STK11: variants seen among roughly 807,000 people sequenced by gnomAD.
STK11 encodes serine/threonine kinase 11, also known as serine/threonine-protein kinase STK11.
A neutral mutation model predicts 47.3 loss-of-function variants in STK11; 8 were observed. The observed-to-expected ratio is 0.17, with a 90% CI of 0.10 to 0.31. The LOEUF (loss-of-function observed/expected upper bound fraction) is 0.31. STK11 is among the 10% of genes least tolerant of loss of function. STK11 has a pLI of 1.00. For missense variants in STK11, 475 were observed against 605.0 expected, an observed-to-expected ratio of 0.79 and a Z score of 2.25; for synonymous variants, 330 against 255.8, an observed-to-expected ratio of 1.29 and a Z score of -2.77.
chr19:1,227,485 C>T (rs899327843), intron 9 of STK11, 108 bp from the exon 10 acceptor site: 15 of 1,046,952 alleles, frequency 1.4e-5, no homozygotes, highest in Non-Finnish European at 1.6e-5. Context: ...CCCCAGGAGT[C>T]CGGTAGCCCC....
chr19:1,207,500 C>T (rs1011109673), intron 1 of STK11, among the ~76,000 whole-genome samples: 8 of 152,192 alleles, frequency 5.3e-5, no homozygotes, highest in Admixed American at 2.6e-4. Context: ...CCCCCAATCC[C>T]CTAAGACTAG....
intron 1 of STK11, among the ~76,000 whole-genome samples, chr19:1,212,990 CTT>C (rs35169539): frequency 1.0e-3 from 95 of 94,786 alleles, no homozygotes; most frequent in African/African-American, 2.8e-3. Context: ...TAAAGTTCAC[CTT>C]TTTTTTTTTT....
chr19:1,227,769 C>G lies in STK11; in HGVS notation c.*193C>G, dbSNP rs1339058465. ...GCAGGGACCGGGCGCAGCCCTCCCC[C>G]CTCGGCCGCCCGGCAGTGCACGCGG... is the stretch of plus-strand genomic sequence containing the variant. On this transcript the variant is annotated 3_prime_UTR_variant, in exon 10 of 10. Coordinates refer to ENST00000326873, the MANE Select transcript of STK11 (RefSeq NM_000455.5). 3.8e-5 allele frequency: 41 copies of G among 1,073,642 alleles called. No individual in the cohort carries two copies. Among genetic ancestry groups the G allele is most frequent in the East Asian group, 4.7e-5 (1 of 21,142 alleles). The allele number at this position is 1,073,642 out of a possible 1,614,324, so 66.5% of individuals were successfully genotyped here. A position where few individuals can be genotyped will look rare whatever the true frequency, so the allele number is the denominator to read the frequency against.
At position 1,216,958 on chromosome 19, in the gene STK11, T is replaced by C. The variant is rs1319312850; in HGVS notation, c.291-1459T>C. 6.6e-5 allele frequency among the ~76,000 whole-genome samples: 10 copies of C among 151,964 alleles called. No individual in the cohort carries two copies. In the South Asian group the frequency reaches 1.5e-3, roughly 22 times the overall value. ...CACTGGTTTTTGTGGCTGAGTCTTG[T>C]TGAGTGCGTGGATGGGCTGTGCTGA... On this transcript the variant is annotated intron_variant, in intron 1 of 9. Coordinates refer to ENST00000326873, the MANE Select transcript of STK11 (RefSeq NM_000455.5).
chr19:1,224,563 C>G (rs2080807935), intron 8 of STK11: 1 of 985,426 alleles, frequency 1.0e-6, no homozygotes, highest in South Asian at 4.7e-5. Context: ...AGAGTCCCTA[C>G]TGGGACGTGG....
At chr19:1,225,746 G>A (rs943948636) in intron 8 of STK11, 38 of 985,530 alleles carry the variant, frequency 3.9e-5, no homozygotes, top group South Asian at 9.4e-5. Context: ...GAGGGGCCTC[G>A]GGGATGGCTC....
intron 1 of STK11, among the ~76,000 whole-genome samples, chr19:1,216,583 A>C (rs1326110198): frequency 6.6e-6 from 1 of 151,482 alleles, no homozygotes; most frequent in African/African-American, 2.4e-5. Flanking sequence ...CGTCTCCAAA[A>C]AAAAAAAAAC....
Position 1,227,760 on chromosome 19 carries a change from G to A in STK11, c.*184G>A, listed in dbSNP as rs185409489. 1.9e-4 allele frequency: 207 copies of A among 1,073,982 alleles called. No individual in the cohort carries two copies. The African/African-American group carries it at 3.2e-3, about 16-fold the overall frequency. 66.5% of individuals were successfully genotyped at this position (1,073,982 alleles called of 1,614,324 possible). On this transcript the variant is annotated 3_prime_UTR_variant, in exon 10 of 10. Transcript: ENST00000326873. ...AGGGGGACAGCAGGGACCGGGCGCA[G>A]CCCTCCCCCCTCGGCCGCCCGGCAG...
At position 1,221,301 on chromosome 19, in the gene STK11, C is replaced by G. The variant is rs2145427115; in HGVS notation, c.823C>G (p.Pro275Ala). The change falls in exon 6 of 10, where the codon CCG (proline) becomes GCG (alanine). Residue 275 changes from proline (P) to alanine (A), a missense_variant. Coordinates refer to ENST00000326873, the MANE Select transcript of STK11 (RefSeq NM_000455.5). ...ENIGKGSYAI[P>A]GDCGPPLSDL... ...CATCGGGAAGGGGAGCTACGCCATC[C>G]CGGGCGACTGTGGCCCCCCGCTCTC... 6.2e-7 allele frequency: 1 copy of G among 1,610,860 alleles called. No homozygotes were observed. Among genetic ancestry groups the G allele is most frequent in the Non-Finnish European group, 8.5e-7 (1 of 1,178,924 alleles).
At chr19:1,215,556 G>T (rs569242860) in intron 1 of STK11, among the ~76,000 whole-genome samples, 259 of 152,330 alleles carry the variant, frequency 1.7e-3, no homozygotes, top group African/African-American at 6.0e-3. Context: ...TCCAGGCCCA[G>T]CCCCAGCACA....
chr19:1,226,208 G>A, intron 8 of STK11: 1 of 1,360,240 alleles, frequency 7.4e-7, no homozygotes. Flanking sequence ...GCCATGGCAG[G>A]TGCAACAGAC....
At position 1,222,039 on chromosome 19, in the gene STK11, C is replaced by T. The variant is rs1050516514; in HGVS notation, c.920+33C>T. 5 of 1,554,668 alleles carry T rather than the reference C, an allele frequency of 3.2e-6. No homozygotes were observed. The African/African-American group carries it at 6.8e-5, about 21-fold the overall frequency. Reference sequence around the variant, plus strand: ...GCCCCTGGGGGCAGTGGGGCCGAGGCTGCAGGGAGGCCGGCCATGTGGGCA... The same window carrying T: ...GCCCCTGGGGGCAGTGGGGCCGAGGTTGCAGGGAGGCCGGCCATGTGGGCA... On this transcript the variant is annotated intron_variant, in intron 7 of 9. Transcript: ENST00000326873.
intron 1 of STK11, among the ~76,000 whole-genome samples, chr19:1,212,922 A>T (rs1247230464): frequency 6.6e-6 from 1 of 150,798 alleles, no homozygotes; most frequent in African/African-American, 2.4e-5. Flanking sequence ...GACCTTAAGT[A>T]ATCCTCTCTG....
At chr19:1,207,599 C>G (rs1433376252) in intron 1 of STK11, among the ~76,000 whole-genome samples, 5 of 152,186 alleles carry the variant, frequency 3.3e-5, no homozygotes. Flanking sequence ...TGTGTGCGGC[C>G]GCCAACACGT....
chr19:1,228,249 C>G lies in STK11; in HGVS notation c.*673C>G, dbSNP rs2080843075. The G allele has an allele frequency of 2.0e-6, 1 of 503,686 alleles. No homozygotes were observed. The highest frequency in any genetic ancestry group is 2.7e-6 in the Non-Finnish European group (1 of 365,818). 31.2% of individuals were successfully genotyped at this position (503,686 alleles called of 1,614,324 possible). ...TCACCTCTCCCCCAAGGCCACTGCG[C>G]TCTTGGGACCCCAGAGAAAACCCGG... On this transcript the variant is annotated 3_prime_UTR_variant, in exon 10 of 10. Coordinates refer to ENST00000326873, the MANE Select transcript of STK11 (RefSeq NM_000455.5).
rs730881963 is a variant in STK11 at position 1,221,273 on chromosome 19, G to A, written c.795G>A (p.Glu265=). Residue 265 remains glutamate, a synonymous_variant, in exon 6 of 10, where the codon GAG becomes GAA. Coordinates refer to ENST00000326873, the MANE Select transcript of STK11 (RefSeq NM_000455.5). The stretch of plus-strand genomic sequence containing the variant: ...GGGACAACATCTACAAGTTGTTTGA[G>A]AACATCGGGAAGGGGAGCTACGCCA... ...FEGDNIYKLF[E]NIGKGSYAIP... is the part of the protein sequence containing the mutation. 124 of 1,611,936 alleles carry A rather than the reference G, an allele frequency of 7.7e-5. 2 individuals carry two copies. In the Middle Eastern group the frequency reaches 1.3e-3, roughly 17 times the overall value.
intron 1 of STK11, among the ~76,000 whole-genome samples, chr19:1,212,909 C>T (rs997408573): frequency 6.6e-6 from 1 of 151,638 alleles, no homozygotes; most frequent in Non-Finnish European, 1.5e-5. Flanking sequence ...GTCTTGAACC[C>T]CTGACCTTAA....
chr19:1,225,597 C>A (rs1481980312), intron 8 of STK11: 2 of 985,380 alleles, frequency 2.0e-6, no homozygotes, highest in African/African-American at 3.5e-5. Flanking sequence ...CTAGTGACTT[C>A]CTGTGCACAT....
intron 8 of STK11, chr19:1,225,654 GT>G (rs1162888742): frequency 6.1e-6 from 6 of 985,390 alleles, no homozygotes; most frequent in Middle Eastern, 1.0e-3. Flanking sequence ...TCAGCCACTG[GT>G]CCATTCTCGG....
Sources: gnomAD v4.1 joint callset for allele counts (sites outside exome capture counted in the v4.1 genomes callset) on GRCh38, gnomAD v4.1.1 for gene constraint, MANE v1.5 for transcripts, NCBI Gene and HGNC (gene_info 2026-07-23, HGNC 2026-07-21) for gene names.